The following TFDP1 variants were observed in gnomAD, a reference collection of about 807,000 sequenced individuals.
TFDP1 encodes DRTF1-polypeptide 1.
In TFDP1, 6 loss-of-function variants were observed where a neutral mutation model predicts 48.0. That is an observed-to-expected ratio of 0.13 (90% CI 0.07 to 0.25). The LOEUF (loss-of-function observed/expected upper bound fraction) is 0.25. Among genes scored for constraint, TFDP1 ranks in the 10% least tolerant of loss-of-function variants. TFDP1 has a pLI of 1.00. For synonymous variants in TFDP1, 201 were observed against 211.6 expected, an observed-to-expected ratio of 0.95 and a Z score of 0.44; for missense variants, 335 against 543.0, an observed-to-expected ratio of 0.62 and a Z score of 3.81.
At chr13:113,608,321 AGACAGG>A (rs1280412775) in intron 2 of TFDP1, among the ~76,000 whole-genome samples, 1 of 152,204 alleles carries the variant, frequency 6.6e-6, no homozygotes, top group Non-Finnish European at 1.5e-5. Flanking sequence ...GGAGGGCGAT[AGACAGG>A]GACAGCGGTG....
intron 2 of TFDP1, among the ~76,000 whole-genome samples, chr13:113,592,824 A>C (rs777172244): frequency 1.7e-4 from 26 of 151,452 alleles, no homozygotes; most frequent in Non-Finnish European, 1.9e-4. Flanking sequence ...TGCCCAGGTG[A>C]CAGGTGTGGT....
chr13:113,593,135 G>T (rs1466091364), intron 2 of TFDP1, among the ~76,000 whole-genome samples: 2 of 129,692 alleles, frequency 1.5e-5, no homozygotes, highest in African/African-American at 6.1e-5. Context: ...CCTCAGCCCT[G>T]CCCAGGTGAC....
intron 1 of TFDP1, chr13:113,585,476 C>T (rs1680447896): frequency 1.6e-5 from 3 of 189,292 alleles, no homozygotes; most frequent in African/African-American, 2.4e-5. Context: ...GGCGCTGCGC[C>T]CTGGCTCCTG....
intron 5 of TFDP1, among the ~76,000 whole-genome samples, chr13:113,632,384 G>A (rs1336699446): frequency 1.3e-5 from 2 of 152,242 alleles, no homozygotes; most frequent in African/African-American, 2.4e-5. Flanking sequence ...TGCACCTGTT[G>A]TCAAGCGGCT....
intron 10 of TFDP1, 184 bp from the exon 11 acceptor site, chr13:113,637,634 T>C (rs1425883728): frequency 4.6e-6 from 7 of 1,536,346 alleles, no homozygotes; most frequent in East Asian, 4.9e-5. Context: ...GACAGGCTTA[T>C]GTGACTGCAC....
At chr13:113,621,392 C>A (rs939759972) in intron 3 of TFDP1, among the ~76,000 whole-genome samples, 1 of 152,064 alleles carries the variant, frequency 6.6e-6, no homozygotes, top group East Asian at 1.9e-4. Flanking sequence ...ACCCAGGTGC[C>A]GAGGCAAGAG....
intron 4 of TFDP1, among the ~76,000 whole-genome samples, chr13:113,629,816 A>C (rs1462195095): frequency 6.6e-6 from 1 of 152,156 alleles, no homozygotes; most frequent in African/African-American, 2.4e-5. Flanking sequence ...TCCTGCCTGG[A>C]GGACAGCGGC....
chr13:113,627,767 C>T lies in TFDP1; in HGVS notation c.187-3856C>T, dbSNP rs1023831182. The stretch of plus-strand genomic sequence containing the variant: ...CACATGCAGGATCTAGGTGGCACTC[C>T]GTATGAGAATCGAATGCCTGATGAT... On this transcript the variant is annotated intron_variant, in intron 4 of 11. Coordinates refer to ENST00000375370, the MANE Select transcript of TFDP1 (RefSeq NM_007111.5). This position sits in a 1 kb window ranked among gnomAD's most constrained non-coding sequence, Gnocchi z 4.1. Among the ~76,000 whole-genome samples the T allele has an allele frequency of 2.6e-5, 4 of 151,216 alleles. No homozygotes were observed. The highest frequency in any genetic ancestry group is 6.6e-5 in the Admixed American group (1 of 15,250).
rs915903993 is a variant in TFDP1 at position 113,584,771 on chromosome 13, A to AC, written c.-178dup. ...CGGCGCCACTCGGCCCAGGGCAGGG[A>AC]CCCCGCCACGGCCGGGACCGCCCGG... is the stretch of plus-strand genomic sequence containing the variant. On this transcript the variant is annotated 5_prime_UTR_variant, in exon 1 of 12. Coordinates refer to ENST00000375370, the MANE Select transcript of TFDP1 (RefSeq NM_007111.5). The AC allele has an allele frequency of 4.8e-5, 7 of 144,960 alleles. No individual in the cohort carries two copies. Among genetic ancestry groups the AC allele is most frequent in the African/African-American group, 1.7e-4 (7 of 40,166 alleles). 9.0% of individuals were successfully genotyped at this position (144,960 alleles called of 1,614,324 possible).
At chr13:113,591,372 C>T (rs1004552882) in intron 2 of TFDP1, among the ~76,000 whole-genome samples, 8 of 151,694 alleles carry the variant, frequency 5.3e-5, no homozygotes, top group Non-Finnish European at 1.0e-4. Flanking sequence ...AAGTTTTGCC[C>T]CTAAAACATG....
At chr13:113,588,518 G>A (rs1020256462) in intron 2 of TFDP1, among the ~76,000 whole-genome samples, 1 of 152,238 alleles carries the variant, frequency 6.6e-6, no homozygotes, top group Non-Finnish European at 1.5e-5. Context: ...AGAAGAGGAT[G>A]AGGTCAGTCC....
intron 7 of TFDP1, 47 bp from the exon 8 acceptor site, chr13:113,634,487 G>A (rs551527816): frequency 6.4e-7 from 1 of 1,551,700 alleles, no homozygotes; most frequent in African/African-American, 1.4e-5. Flanking sequence ...AAAACGCTCT[G>A]TGGAACAGTT....
chr13:113,602,534 T>C (rs1038306255), intron 2 of TFDP1, among the ~76,000 whole-genome samples: 12 of 152,186 alleles, frequency 7.9e-5, no homozygotes, highest in African/African-American at 2.7e-4. Flanking sequence ...AGTGCAAGTG[T>C]TTTCTGCCCT....
intron 2 of TFDP1, among the ~76,000 whole-genome samples, chr13:113,602,209 C>T (rs112362917): frequency 1.5e-4 from 13 of 84,898 alleles, no homozygotes; most frequent in South Asian, 4.3e-4. Context: ...CCCGCAGGAG[C>T]TGAGGGAGGA....
chr13:113,594,947 T>C (rs1008177614), intron 2 of TFDP1, among the ~76,000 whole-genome samples: 2 of 152,244 alleles, frequency 1.3e-5, no homozygotes, highest in African/African-American at 2.4e-5. Flanking sequence ...TCATAGCATA[T>C]GCCTGTTGGA....
At chr13:113,597,204 G>A (rs2048308247) in intron 2 of TFDP1, among the ~76,000 whole-genome samples, 1 of 152,182 alleles carries the variant, frequency 6.6e-6, no homozygotes, top group African/African-American at 2.4e-5. Flanking sequence ...TTTCTAAAAG[G>A]GAAAAGAGTA....
rs186376406 is a variant in TFDP1 at position 113,605,412 on chromosome 13, C to G, written c.13-5584C>G. Among the ~76,000 whole-genome samples the G allele has an allele frequency of 2.8e-4, 43 of 152,270 alleles. No homozygotes were observed. The East Asian group carries it at 7.7e-3, about 27-fold the overall frequency. On this transcript the variant is annotated intron_variant, in intron 2 of 11. Coordinates refer to ENST00000375370, the MANE Select transcript of TFDP1 (RefSeq NM_007111.5). ...AGAAAACTCTTTAACTGCTGTATTA[C>G]TTATCTATTGCTGTGAAACAGACAA...
At chr13:113,635,277 G>T (rs545113491) in intron 8 of TFDP1, among the ~76,000 whole-genome samples, 22 of 152,340 alleles carry the variant, frequency 1.4e-4, no homozygotes, top group African/African-American at 5.1e-4. Flanking sequence ...AGCCCTCCCA[G>T]AGGGGACGGT....
chr13:113,628,581 C>T (rs1245497492), intron 4 of TFDP1, among the ~76,000 whole-genome samples: 1 of 152,228 alleles, frequency 6.6e-6, no homozygotes, highest in Non-Finnish European at 1.5e-5. Context: ...CCTGGAAAGC[C>T]CTGGTTGGAG....
Sources: gnomAD v4.1 joint callset for allele counts (sites outside exome capture counted in the v4.1 genomes callset) on GRCh38, gnomAD v4.1.1 for gene constraint, Gnocchi (gnomAD v3.1) non-coding constraint, MANE v1.5 for transcripts, NCBI Gene and HGNC (gene_info 2026-07-23, HGNC 2026-07-21) for gene names.